Variants in DNER observed in about 807,000 individuals in gnomAD.
DNER encodes the protein delta and Notch-like epidermal growth factor-related receptor.
A neutral mutation model predicts 78.2 loss-of-function variants in DNER; 33 were observed. That is an observed-to-expected ratio of 0.42 (90% CI 0.32 to 0.56). The LOEUF (loss-of-function observed/expected upper bound fraction) is 0.56. Among genes scored for constraint, DNER ranks in the 20% least tolerant of loss-of-function variants. The pLI is 0.11. For missense variants in DNER, 918 were observed against 975.3 expected, an observed-to-expected ratio of 0.94 and a Z score of 0.78; for synonymous variants, 417 against 384.8, an observed-to-expected ratio of 1.08 and a Z score of -0.98.
At chr2:229,542,680 G>T (rs920669016) in intron 5 of DNER, among the ~76,000 whole-genome samples, 1 of 150,584 alleles carries the variant, frequency 6.6e-6, no homozygotes, top group African/African-American at 2.4e-5. Flanking sequence ...AGAAAAAAAC[G>T]TGATGACAAC....
chr2:229,641,892 G>A (rs565860449), intron 1 of DNER, among the ~76,000 whole-genome samples: 1 of 152,106 alleles, frequency 6.6e-6, no homozygotes, highest in Non-Finnish European at 1.5e-5. Flanking sequence ...TTTATGGTAT[G>A]CCCCGTGAAA....
intron 5 of DNER, among the ~76,000 whole-genome samples, chr2:229,529,126 G>C (rs16826107): frequency 0.026 from 3,922 of 152,134 alleles, 171 homozygotes; most frequent in African/African-American, 0.089. Context: ...TTTTAGCAAC[G>C]TGAGAAAGCC....
At chr2:229,576,557 C>G (rs929918111) in intron 4 of DNER, among the ~76,000 whole-genome samples, 1 of 152,114 alleles carries the variant, frequency 6.6e-6, no homozygotes, top group Admixed American at 6.5e-5. Flanking sequence ...ATGTGGTCAT[C>G]ATGGTTGCAA....
At position 229,555,805 on chromosome 2, in the gene DNER, T is replaced by G. The variant is rs141911265; in HGVS notation, c.848-8713A>C. Among the ~76,000 whole-genome samples the G allele has an allele frequency of 3.9e-5, 6 of 152,264 alleles. No homozygotes were observed. The East Asian group carries it at 1.2e-3, about 29-fold the overall frequency. On this transcript the variant is annotated intron_variant, in intron 4 of 12. Transcript: ENST00000341772. ...GTTTACTAAAAAAAAAAAAATTGCT[T>G]ACCAACTGGTGATTACCTTTGGTAG...
At chr2:229,643,274 C>A (rs1242875727) in intron 1 of DNER, among the ~76,000 whole-genome samples, 3 of 152,038 alleles carry the variant, frequency 2.0e-5, no homozygotes, top group Non-Finnish European at 2.9e-5. Context: ...GAGGTACTAC[C>A]TATGTGGTCT....
At chr2:229,648,794 T>C (rs562232265) in intron 1 of DNER, among the ~76,000 whole-genome samples, 6 of 152,342 alleles carry the variant, frequency 3.9e-5, no homozygotes, top group African/African-American at 1.2e-4. Context: ...ACACATTGTT[T>C]CTCTCTGATT....
intron 4 of DNER, among the ~76,000 whole-genome samples, chr2:229,557,099 G>A (rs1696867502): frequency 6.6e-6 from 1 of 152,130 alleles, no homozygotes; most frequent in Admixed American, 6.5e-5. Context: ...CAGGAACTGT[G>A]CCCCTTACAA....
intron 1 of DNER, among the ~76,000 whole-genome samples, chr2:229,650,255 T>C (rs1000217046): frequency 1.3e-5 from 2 of 152,056 alleles, no homozygotes; most frequent in African/African-American, 4.8e-5. Flanking sequence ...AAAATGTGCA[T>C]ATTCCCTCAC....
At chr2:229,462,955 G>A (rs928175422) in intron 7 of DNER, among the ~76,000 whole-genome samples, 21 of 152,078 alleles carry the variant, frequency 1.4e-4, no homozygotes, top group African/African-American at 4.8e-4. Context: ...CTTAATTTTT[G>A]ACATAAGTGT....
chr2:229,713,762 C>A (rs1381935026), intron 1 of DNER, among the ~76,000 whole-genome samples: 1 of 152,228 alleles, frequency 6.6e-6, no homozygotes, highest in Non-Finnish European at 1.5e-5. Flanking sequence ...ACATTGAACA[C>A]CTCGCCGGGG....
At chr2:229,647,337 C>T (rs750411616) in intron 1 of DNER, among the ~76,000 whole-genome samples, 1 of 152,124 alleles carries the variant, frequency 6.6e-6, no homozygotes, top group Non-Finnish European at 1.5e-5. Context: ...ATTATTTCAC[C>T]TGGGTGAAAA....
At chr2:229,492,311 G>A (rs912899664) in intron 6 of DNER, among the ~76,000 whole-genome samples, 1 of 152,170 alleles carries the variant, frequency 6.6e-6, no homozygotes, top group African/African-American at 2.4e-5. Context: ...AAGCCCTGAC[G>A]TACCATGTCT....
intron 3 of DNER, chr2:229,586,630 G>A (rs1697508098): frequency 7.1e-6 from 7 of 980,168 alleles, no homozygotes; most frequent in Non-Finnish European, 8.4e-6. Context: ...GCCCTCCTGC[G>A]CTTTTCTCCT....
At chr2:229,659,964 C>T (rs1294439918) in intron 1 of DNER, among the ~76,000 whole-genome samples, 3 of 152,106 alleles carry the variant, frequency 2.0e-5, no homozygotes, top group African/African-American at 7.2e-5. Flanking sequence ...CTACATCTTA[C>T]TGTATTTATT....
At chr2:229,537,798 G>A (rs1329106382) in intron 5 of DNER, among the ~76,000 whole-genome samples, 2 of 151,630 alleles carry the variant, frequency 1.3e-5, no homozygotes, top group African/African-American at 2.4e-5. Flanking sequence ...GGGTACATGT[G>A]CACAATGTGC....
Position 229,615,432 on chromosome 2 carries a change from G to T in DNER, c.277-23544C>A, listed in dbSNP as rs1335937629. 5.3e-5 allele frequency among the ~76,000 whole-genome samples: 8 copies of T among 151,232 alleles called. No homozygotes were observed. In the South Asian group the frequency reaches 1.7e-3, roughly 32 times the overall value. ...GTCTTAAAAAAAAAAAAAAAAGGCC[G>T]GGCGCGGTGGTTCACGCCTGTAATC... On this transcript the variant is annotated intron_variant, in intron 1 of 12. Transcript: ENST00000341772.
intron 8 of DNER, among the ~76,000 whole-genome samples, chr2:229,431,179 C>T (rs917681194): frequency 7.9e-5 from 12 of 152,080 alleles, no homozygotes; most frequent in East Asian, 5.8e-4. Flanking sequence ...AAAAACCAAA[C>T]GACCACTATC....
chr2:229,558,654 A>G (rs796482421), intron 4 of DNER, among the ~76,000 whole-genome samples: 5 of 152,316 alleles, frequency 3.3e-5, no homozygotes, highest in African/African-American at 1.2e-4. Context: ...GAGTCCATGT[A>G]AGGACTGGGC....
At chr2:229,529,221 A>G (rs962645477) in intron 5 of DNER, among the ~76,000 whole-genome samples, 19 of 152,062 alleles carry the variant, frequency 1.2e-4, no homozygotes, top group African/African-American at 4.3e-4. Flanking sequence ...CCCCAAATCT[A>G]CCATATGTGA....
Sources: gnomAD v4.1 joint callset for allele counts (sites outside exome capture counted in the v4.1 genomes callset) on GRCh38, gnomAD v4.1.1 for gene constraint, MANE v1.5 for transcripts, NCBI Gene and HGNC (gene_info 2026-07-23, HGNC 2026-07-21) for gene names.